Variants in NTN1 observed in about 807,000 individuals in gnomAD.
The protein encoded by NTN1 is netrin 1.
NTN1 carries 11 observed loss-of-function variants against 54.2 expected under a neutral mutation model. That is an observed-to-expected ratio of 0.20 (90% confidence interval 0.13 to 0.34). The LOEUF (loss-of-function observed/expected upper bound fraction) is 0.34, where lower values mean the gene tolerates loss of function less well. NTN1 is among the 10% of genes least tolerant of loss of function. The probability of loss-of-function intolerance (pLI) is 1.00; values close to 1 mark genes in which losing one functional copy is unlikely to be tolerated. For missense variants in NTN1, 740 were observed against 893.1 expected (o/e 0.83, Z 2.18); for synonymous variants, 371 against 382.0 (o/e 0.97, Z 0.33).
rs535688910 is a variant in NTN1, at chr17:9,145,371, G to A, written c.1019-17442G>A. On this transcript the variant is annotated intron_variant, in intron 2 of 6. Transcript: ENST00000173229. ...AGGGGAACTAATGTCATAAAACAAC[G>A]CCACCGGGCCCAGTGTGTATCTTAA... Among the ~76,000 whole-genome samples the A allele has an allele frequency of 3.9e-5, 6 of 152,276 alleles. No homozygotes were observed. In the South Asian group the frequency reaches 6.2e-4, roughly 16 times the overall value.
intron 2 of NTN1, among the ~76,000 whole-genome samples, chr17:9,127,848 GAT>G (rs2092252448): frequency 2.0e-5 from 3 of 152,162 alleles, no homozygotes; most frequent in African/African-American, 7.2e-5. Context: ...CGGGCACAGT[GAT>G]GCACGCCTGT....
chr17:9,234,792 A>G (rs1332703621), intron 6 of NTN1, among the ~76,000 whole-genome samples: 1 of 152,222 alleles, frequency 6.6e-6, no homozygotes, highest in Non-Finnish European at 1.5e-5. Flanking sequence ...CAGCAGGCGG[A>G]GGCCAGGCTC....
rs748451527 is a variant in NTN1, at chr17:9,221,139, G to C, written c.1412-29G>C. Reference sequence around the variant, plus strand: ...TTCATCGCCAGCCTAATTAGTTTTTGTCTGTGCTCCCCCCCCACCCCCCTG... The same window carrying C: ...TTCATCGCCAGCCTAATTAGTTTTTCTCTGTGCTCCCCCCCCACCCCCCTG... On this transcript the variant is annotated intron_variant, in intron 5 of 6. Transcript: ENST00000173229. This position sits in a 1 kb window ranked among gnomAD's most constrained non-coding sequence, Gnocchi z 4.5. The C allele has an allele frequency of 1.8e-5, 27 of 1,503,148 alleles. No individual in the cohort carries two copies. The South Asian group carries it at 3.0e-4, about 17-fold the overall frequency. 93.1% of individuals were successfully genotyped at this position (1,503,148 alleles called of 1,614,324 possible).
Position 9,169,733 on chromosome 17 carries a change from C to T in NTN1, c.1207+6732C>T, listed in dbSNP as rs547333336. Among the ~76,000 whole-genome samples, 361 of 152,258 alleles carry T rather than the reference C, an allele frequency of 2.4e-3. 2 individuals carry two copies. Among genetic ancestry groups the T allele is most frequent in the African/African-American group, 8.3e-3 (343 of 41,550 alleles). On this transcript the variant is annotated intron_variant, in intron 3 of 6. Coordinates refer to ENST00000173229, the MANE Select transcript of NTN1 (RefSeq NM_004822.3). Reference sequence around the variant, plus strand: ...TACAAGAATTAGCCGGGTGTGGTGGCGCATGCCTGTAATCCCAGCTACTCG... The same window carrying T: ...TACAAGAATTAGCCGGGTGTGGTGGTGCATGCCTGTAATCCCAGCTACTCG...
chr17:9,074,224 G>T lies in NTN1; in HGVS notation c.1018+50833G>T, dbSNP rs150844269. On this transcript the variant is annotated intron_variant, in intron 2 of 6. Coordinates refer to ENST00000173229, the MANE Select transcript of NTN1 (RefSeq NM_004822.3). ...GGGGCGAGGTGGCTTCCTGCAAGAC[G>T]GCGTGTAAGCTCAGCAACTGCATTT... Among the ~76,000 whole-genome samples the T allele has an allele frequency of 9.0e-3, 1,366 of 152,308 alleles. 26 individuals are homozygous for T. Among genetic ancestry groups the T allele is most frequent in the African/African-American group, 0.031 (1,272 of 41,564 alleles).
intron 3 of NTN1, among the ~76,000 whole-genome samples, chr17:9,170,873 C>G (rs1296178900): frequency 6.6e-6 from 1 of 151,654 alleles, no homozygotes; most frequent in Non-Finnish European, 1.5e-5. Context: ...CACACACACA[C>G]ACACACACAC....
intron 2 of NTN1, among the ~76,000 whole-genome samples, chr17:9,036,012 G>C (rs2091902231): frequency 6.8e-6 from 1 of 146,708 alleles, no homozygotes; most frequent in African/African-American, 2.5e-5. Context: ...ATAGAGCAAG[G>C]CTCTATCTCA....
At chr17:9,080,928 T>C (rs2092068529) in intron 2 of NTN1, among the ~76,000 whole-genome samples, 2 of 152,370 alleles carry the variant, frequency 1.3e-5, no homozygotes, top group South Asian at 4.1e-4. Flanking sequence ...TCTCTTCACC[T>C]GTATTCTCTG....
intron 2 of NTN1, among the ~76,000 whole-genome samples, chr17:9,151,870 A>G (rs1173737242): frequency 3.9e-5 from 6 of 152,124 alleles, no homozygotes. Flanking sequence ...AAATGCACCA[A>G]TCAGCGCTCT....
intron 5 of NTN1, among the ~76,000 whole-genome samples, chr17:9,199,340 A>C (rs902325962): frequency 4.6e-5 from 7 of 152,164 alleles, no homozygotes; most frequent in African/African-American, 7.2e-5. Context: ...TGGAGTTTCA[A>C]CATGTTGGCC....
At chr17:9,008,996 G>A in the NTN1 span, among the ~76,000 whole-genome samples, 212 of 152,228 alleles carry the variant, frequency 1.4e-3, no homozygotes, top group South Asian at 4.1e-3. Context: ...AGCTGAGATC[G>A]CACCATTGCA....
At position 9,162,843 on chromosome 17, in the gene NTN1, G is replaced by A; in HGVS notation, c.1049G>A (p.Cys350Tyr). The change falls in exon 3 of 7, where the codon TGC becomes TAC. Residue 350 changes from cysteine (C) to tyrosine (Y), a missense_variant. Transcript: ENST00000173229. ...AACTGCAACCTGCATGCCCGGCGCT[G>A]CCGCTTCAACATGGAGCTCTACAAG... is the stretch of plus-strand genomic sequence containing the variant. ...ACNCNLHARR[C>Y]RFNMELYKLS... 6.2e-7 allele frequency: 1 copy of A among 1,613,524 alleles called. No homozygotes were observed. Among genetic ancestry groups the A allele is most frequent in the South Asian group, 1.1e-5 (1 of 91,076 alleles).
At chr17:9,214,593 C>T (rs1905176821) in intron 5 of NTN1, among the ~76,000 whole-genome samples, 1 of 152,166 alleles carries the variant, frequency 6.6e-6, no homozygotes, top group Non-Finnish European at 1.5e-5. Context: ...GAGGCCGAGG[C>T]AGGCGGATCA....
Position 9,212,218 on chromosome 17 carries a change from G to C in NTN1, c.1412-8950G>C, listed in dbSNP as rs1455905376. 6.6e-6 allele frequency among the ~76,000 whole-genome samples: 1 copy of C among 152,156 alleles called. No homozygotes were observed. Among genetic ancestry groups the C allele is most frequent in the East Asian group, 1.9e-4 (1 of 5,190 alleles). The stretch of plus-strand genomic sequence containing the variant: ...TGGCTCTACCCCTGGATGAGGTGCT[G>C]TTGGTGAGGGTGGTAAGAAGGTGGT... On this transcript the variant is annotated intron_variant, in intron 5 of 6. Transcript: ENST00000173229. This position sits in a 1 kb window ranked among gnomAD's most constrained non-coding sequence, Gnocchi z 5.5.
At chr17:9,226,109 A>G (rs1048352313) in intron 6 of NTN1, among the ~76,000 whole-genome samples, 3 of 135,894 alleles carry the variant, frequency 2.2e-5, no homozygotes, top group African/African-American at 8.4e-5. Context: ...AGAGAGCCAG[A>G]GCCCAGCTCC....
rs1336240232 is a variant in NTN1 at position 9,212,645 on chromosome 17, G to A, written c.1412-8523G>A. Among the ~76,000 whole-genome samples the A allele has an allele frequency of 2.0e-5, 3 of 152,138 alleles. No individual in the cohort carries two copies. The highest frequency in any genetic ancestry group is 7.2e-5 in the African/African-American group (3 of 41,438). On this transcript the variant is annotated intron_variant, in intron 5 of 6. Coordinates refer to ENST00000173229, the MANE Select transcript of NTN1 (RefSeq NM_004822.3). This position sits in a 1 kb window ranked among gnomAD's most constrained non-coding sequence, Gnocchi z 5.5. Reference sequence around the variant, plus strand: ...GGAGAACCAGGGGCTCCTCCCCTACGCCCAGCCCTTGGCGTCTGCAACTTA... The same window carrying A: ...GGAGAACCAGGGGCTCCTCCCCTACACCCAGCCCTTGGCGTCTGCAACTTA...
At chr17:9,143,415 C>A (rs2092304018) in intron 2 of NTN1, among the ~76,000 whole-genome samples, 1 of 152,210 alleles carries the variant, frequency 6.6e-6, no homozygotes, top group Non-Finnish European at 1.5e-5. Flanking sequence ...TATTTGCCTG[C>A]AACAGGGGAA....
At chr17:9,011,526 G>A in the NTN1 span, among the ~76,000 whole-genome samples, 2 of 152,166 alleles carry the variant, frequency 1.3e-5, no homozygotes, top group African/African-American at 2.4e-5. Flanking sequence ...CGTCAGCAAA[G>A]ACCCTTTTAC....
chr17:9,187,795 T>TA (rs2142324317), intron 5 of NTN1, among the ~76,000 whole-genome samples: 1 of 151,794 alleles, frequency 6.6e-6, no homozygotes, highest in East Asian at 1.9e-4. Context: ...TGCACCACTG[T>TA]ACTCAAGCCT....
Sources: gnomAD v4.1 joint callset for allele counts (sites outside exome capture counted in the v4.1 genomes callset) on GRCh38, gnomAD v4.1.1 for gene constraint, Gnocchi (gnomAD v3.1) non-coding constraint, MANE v1.5 for transcripts, NCBI Gene and HGNC (gene_info 2026-07-23, HGNC 2026-07-21) for gene names.